Variants in ABCA12 observed in about 807,000 individuals in gnomAD.
The protein encoded by ABCA12 is glucosylceramide transporter ABCA12.
Under a neutral mutation model 293.5 loss-of-function variants are expected in ABCA12, and 156 were observed. The observed-to-expected ratio is 0.53, with a 90% CI of 0.47 to 0.61. The LOEUF (loss-of-function observed/expected upper bound fraction) is 0.61, where lower values mean the gene tolerates loss of function less well. ABCA12 is among the 20% of genes least tolerant of loss of function. ABCA12 has a pLI of 0.00. For missense variants in ABCA12, 2,797 were observed against 3,090.2 expected (o/e 0.91, Z 2.25); for synonymous variants, 1,063 against 1,108.0 (o/e 0.96, Z 0.81).
At chr2:214,956,176 G>C (rs763891994) in intron 42 of ABCA12, among the ~76,000 whole-genome samples, 10 of 152,118 alleles carry the variant, frequency 6.6e-5, no homozygotes, top group Non-Finnish European at 1.3e-4. Flanking sequence ...GTTATGCTAA[G>C]CATTGATTAT....
chr2:215,010,620 C>A, intron 17 of ABCA12, 150 bp from the exon 18 acceptor site: 1 of 931,420 alleles, frequency 1.1e-6, no homozygotes, highest in South Asian at 1.5e-5. Flanking sequence ...CATCTGGTGT[C>A]AAAGTAAGAA....
At chr2:214,989,717 A>G in intron 24 of ABCA12, 96 bp from the exon 25 acceptor site, 1 of 1,310,856 alleles carries the variant, frequency 7.6e-7, no homozygotes, top group Non-Finnish European at 1.1e-6. Flanking sequence ...ACATTTGTAT[A>G]GATAAAATTG....
intron 1 of ABCA12, among the ~76,000 whole-genome samples, chr2:215,134,372 A>G (rs985333499): frequency 1.4e-5 from 2 of 139,398 alleles, no homozygotes; most frequent in Non-Finnish European, 1.6e-5. Flanking sequence ...ATGTGTATAT[A>G]TGTATATATG....
At chr2:215,119,719 G>C (rs1173760258) in intron 1 of ABCA12, among the ~76,000 whole-genome samples, 1 of 135,122 alleles carries the variant, frequency 7.4e-6, no homozygotes, top group Admixed American at 7.1e-5. Flanking sequence ...AGTCAGAATG[G>C]CCATCATTAA....
chr2:214,966,981 C>T (rs1294617640), intron 38 of ABCA12, 28 bp from the exon 39 acceptor site: 10 of 1,545,896 alleles, frequency 6.5e-6, no homozygotes, highest in Non-Finnish European at 8.9e-6. Flanking sequence ...AAGGCAAGAT[C>T]AATATTGCAT....
At chr2:215,126,530 G>A (rs890185930) in intron 1 of ABCA12, among the ~76,000 whole-genome samples, 1 of 151,980 alleles carries the variant, frequency 6.6e-6, no homozygotes, top group Non-Finnish European at 1.5e-5. Flanking sequence ...TAAGCTAGGA[G>A]GGTTGTATTT....
chr2:215,054,033 G>GCTTGC (rs1701371160), intron 4 of ABCA12, among the ~76,000 whole-genome samples: 1 of 152,038 alleles, frequency 6.6e-6, no homozygotes, highest in African/African-American at 2.4e-5. Context: ...TAGATGTGAA[G>GCTTGC]CAAGTCCACA....
intron 44 of ABCA12, 58 bp downstream of exon 44, chr2:214,953,790 TTTCTCA>T: frequency 1.9e-6 from 3 of 1,577,106 alleles, no homozygotes; most frequent in Admixed American, 1.8e-5. Context: ...TATTGACTTC[TTTCTCA>T]ATAGGTTGAA....
chr2:215,046,121 A>G (rs1701197467), intron 6 of ABCA12, 106 bp from the exon 7 acceptor site: 3 of 1,133,758 alleles, frequency 2.6e-6, no homozygotes, highest in Non-Finnish European at 3.8e-6. Flanking sequence ...CACATAAGCA[A>G]TTCTTTTAGA....
intron 35 of ABCA12, among the ~76,000 whole-genome samples, chr2:214,974,563 A>C (rs1366669663): frequency 1.3e-5 from 2 of 152,240 alleles, no homozygotes; most frequent in East Asian, 3.8e-4. Context: ...TATACAAGAG[A>C]GTTGTACAAA....
chr2:214,932,791 A>G, intron 52 of ABCA12, 50 bp from the exon 53 acceptor site: 1 of 1,334,622 alleles, frequency 7.5e-7, no homozygotes, highest in Non-Finnish European at 1.1e-6. Context: ...AGCCAAAGGA[A>G]AAAATAAAGT....
At chr2:215,077,469 C>T (rs1701856200) in intron 2 of ABCA12, among the ~76,000 whole-genome samples, 1 of 152,068 alleles carries the variant, frequency 6.6e-6, no homozygotes, top group African/African-American at 2.4e-5. Flanking sequence ...CACTGTCCTC[C>T]TTGCCCTGTT....
intron 28 of ABCA12, among the ~76,000 whole-genome samples, chr2:214,986,294 G>T (rs1410755844): frequency 2.6e-5 from 4 of 152,004 alleles, no homozygotes; most frequent in African/African-American, 9.7e-5. Context: ...TTATCTAAGA[G>T]GTGCCAAGAA....
chr2:215,060,472 T>A (rs1701507525), intron 3 of ABCA12, among the ~76,000 whole-genome samples: 1 of 152,078 alleles, frequency 6.6e-6, no homozygotes, highest in Non-Finnish European at 1.5e-5. Context: ...TCTGTTTAAA[T>A]TACATGTAAT....
At chr2:215,107,935 G>A (rs1310245065) in intron 2 of ABCA12, among the ~76,000 whole-genome samples, 2 of 152,226 alleles carry the variant, frequency 1.3e-5, no homozygotes, top group Admixed American at 1.3e-4. Flanking sequence ...GGAGTGAGGT[G>A]TGTTCTGGCC....
At chr2:215,046,052 C>T (rs376274868) in intron 6 of ABCA12, 37 bp from the exon 7 acceptor site, 23 of 1,596,526 alleles carry the variant, frequency 1.4e-5, no homozygotes, top group Non-Finnish European at 2.0e-5. Flanking sequence ...CAAAATGAGA[C>T]TTTAACATTT....
chr2:215,044,896 A>G (rs1360268143), intron 7 of ABCA12, among the ~76,000 whole-genome samples: 2 of 152,200 alleles, frequency 1.3e-5, no homozygotes, highest in African/African-American at 4.8e-5. Flanking sequence ...TGCTCTAGAC[A>G]TATAAAATAG....
intron 47 of ABCA12, among the ~76,000 whole-genome samples, chr2:214,948,234 G>A (rs887196479): frequency 2.0e-5 from 3 of 152,138 alleles, no homozygotes; most frequent in Non-Finnish European, 4.4e-5. Flanking sequence ...GCATTTTGCC[G>A]TTAACTGTAT....
chr2:215,125,287 C>A (rs959408112), intron 1 of ABCA12, among the ~76,000 whole-genome samples: 3 of 151,678 alleles, frequency 2.0e-5, no homozygotes, highest in African/African-American at 7.3e-5. Flanking sequence ...GCTATGTGGG[C>A]TTTTTGGTTC....
Sources: gnomAD v4.1 joint callset for allele counts (sites outside exome capture counted in the v4.1 genomes callset) on GRCh38, gnomAD v4.1.1 for gene constraint, MANE v1.5 for transcripts, NCBI Gene and HGNC (gene_info 2026-07-23, HGNC 2026-07-21) for gene names.